Variants in PRSS36 observed in about 807,000 individuals in gnomAD.
The protein encoded by PRSS36 is polyserase-2.
PRSS36 carries 90 observed loss-of-function variants against 94.3 expected under a neutral mutation model. The ratio of observed to expected loss-of-function variants is 0.95; its 90% CI spans 0.80 to 1.14. The LOEUF (loss-of-function observed/expected upper bound fraction) is 1.14, where lower values mean the gene tolerates loss of function less well. PRSS36 is among the 50% of genes most tolerant of loss of function. The pLI is 0.00. For missense variants in PRSS36, 1,158 were observed against 1,135.0 expected (o/e 1.02, Z -0.29); for synonymous variants, 500 against 489.6 (o/e 1.02, Z -0.28).
At position 31,139,088 on chromosome 16, in the gene PRSS36, C is replaced by A; in HGVS notation, c.*50G>T. On this transcript the variant is annotated 3_prime_UTR_variant, in exon 15 of 15. Coordinates refer to ENST00000268281, the MANE Select transcript of PRSS36 (RefSeq NM_173502.5). ...TGGGCCACATTCCAGCCCCACTGGGCGGGAAGTAGAGGGTGGAGAAGGGGG... is the reference window on the plus strand; with the variant it reads ...TGGGCCACATTCCAGCCCCACTGGGAGGGAAGTAGAGGGTGGAGAAGGGGG... 6.7e-7 allele frequency: 1 copy of A among 1,501,980 alleles called. No individual in the cohort carries two copies. The highest frequency in any genetic ancestry group is 8.9e-7 in the Non-Finnish European group (1 of 1,123,510). The allele number at this position is 1,501,980 out of a possible 1,614,324, so 93.0% of individuals were successfully genotyped here.
chr16:31,142,481 C>T lies in PRSS36; in HGVS notation c.1521G>A (p.Trp507Ter). ...CGCGGGCCCCGCCCCCGCCGCTTAC[C>T]CAGCAGCTGCCCACCTCCTCCTTTT... ...YQEKEEVGSC[W>*]NDSRWSLLCQ... Residue 507 changes from tryptophan (W) to a stop codon, truncating the protein, a stop_gained and splice_region_variant, in exon 10 of 15, where the codon TGG becomes TGA. Coordinates refer to ENST00000268281, the MANE Select transcript of PRSS36 (RefSeq NM_173502.5). LOFTEE classifies it high-confidence loss of function. The T allele has an allele frequency of 1.4e-6, 2 of 1,463,014 alleles. No homozygotes were observed. The highest frequency in any genetic ancestry group is 1.8e-6 in the Non-Finnish European group (2 of 1,109,046). The allele number at this position is 1,463,014 out of a possible 1,614,324, so 90.6% of individuals were successfully genotyped here.
At chr16:31,142,358 A>T (rs2057710986) in intron 10 of PRSS36, 123 bp downstream of exon 10, 1 of 1,080,580 alleles carries the variant, frequency 9.3e-7, no homozygotes, top group African/African-American at 1.7e-5. Flanking sequence ...GCCCACTCGG[A>T]CCCGCCTTCC....
Position 31,145,955 on chromosome 16 carries a change from T to A in PRSS36, c.554A>T (p.Asp185Val), listed in dbSNP as rs1379671558. Residue 185 changes from aspartate (D) to valine (V), a missense_variant and splice_region_variant, in exon 6 of 15, where the codon GAT becomes GTT. Transcript: ENST00000268281. ...ATGWGDVQEADPLPLPWVLQE... is the reference protein window; with the variant it reads ...ATGWGDVQEAVPLPLPWVLQE... ...TAGCACCCAGGGGAGAGGCAGAGGA[T>A]CTGGAGGCAGAACCAGAGAGCAGGT... 6.2e-7 allele frequency: 1 copy of A among 1,610,246 alleles called. No individual in the cohort carries two copies.
chr16:31,148,384 G>T lies in PRSS36; in HGVS notation c.553+11C>A, dbSNP rs763218867. 1.3e-6 allele frequency: 2 copies of T among 1,552,800 alleles called. No individual in the cohort carries two copies. Among genetic ancestry groups the T allele is most frequent in the Admixed American group, 3.7e-5 (2 of 53,430 alleles). On this transcript the variant is annotated intron_variant, in intron 5 of 14. Coordinates refer to ENST00000268281, the MANE Select transcript of PRSS36 (RefSeq NM_173502.5). The stretch of plus-strand genomic sequence containing the variant: ...CCCCGAGGCCCTCCCCTCTTGTCCC[G>T]TCCCACTCACCTGCCTCCTGGACGT...
rs1349020830 is a variant in PRSS36, at chr16:31,148,731, C to T, written c.273-56G>A. On this transcript the variant is annotated intron_variant, in intron 4 of 14. Coordinates refer to ENST00000268281, the MANE Select transcript of PRSS36 (RefSeq NM_173502.5). The stretch of plus-strand genomic sequence containing the variant: ...GTTGACCCTATGGAGGGGGCAGACC[C>T]TCGTTGGGGGCAGGGGCTCAGAGCC... 6 of 1,596,770 alleles carry T rather than the reference C, an allele frequency of 3.8e-6. No individual in the cohort carries two copies. In the Admixed American group the frequency reaches 6.9e-5, roughly 18 times the overall value.
Position 31,139,386 on chromosome 16 carries a change from T to C in PRSS36, c.2320A>G (p.Met774Val). ...MTSAPPLLCQMTEGSWILVGM... is the reference protein window; with the variant it reads ...MTSAPPLLCQVTEGSWILVGM... ...ACGAGGATCCAGGACCCTTCCGTCA[T>C]CTGGCACAGGAGGGGCGGTGCTGAG... is the stretch of plus-strand genomic sequence containing the variant. Residue 774 changes from methionine to valine, a missense_variant, in exon 15 of 15, where the codon ATG becomes GTG. Transcript: ENST00000268281. 1 of 1,614,054 alleles carries C rather than the reference T, an allele frequency of 6.2e-7. No homozygotes were observed. Among genetic ancestry groups the C allele is most frequent in the Non-Finnish European group, 8.5e-7 (1 of 1,179,990 alleles).
intron 11 of PRSS36, 23 bp from the exon 12 acceptor site, chr16:31,141,633 T>A (rs1424834926): frequency 6.2e-7 from 1 of 1,611,656 alleles, no homozygotes; most frequent in Non-Finnish European, 8.5e-7. Flanking sequence ...GGTGGCCACC[T>A]CAGTTGGGGC....
Position 31,142,461 on chromosome 16 carries a change from G to C in PRSS36, c.1521+20C>G. On this transcript the variant is annotated intron_variant, in intron 10 of 14. Transcript: ENST00000268281. ...GCCCTCTCGGGCCCGCGTTCCGCGG[G>C]CCCCGCCCCCGCCGCTTACCCAGCA... 1 of 1,435,442 alleles carries C rather than the reference G, an allele frequency of 7.0e-7. No individual in the cohort carries two copies. The highest frequency in any genetic ancestry group is 9.1e-7 in the Non-Finnish European group (1 of 1,096,126). 88.9% of individuals were successfully genotyped at this position (1,435,442 alleles called of 1,614,324 possible).
chr16:31,139,308 C>T lies in PRSS36; in HGVS notation c.2398G>A (p.Glu800Lys). ...RELFAAIGPEEAWISQTVGEA... is the reference protein window; with the variant it reads ...RELFAAIGPEKAWISQTVGEA... ...CCCACTGTCTGGGAGATCCAGGCCT[C>T]TTCAGGACCAATGGCAGCAAACAGC... Residue 800 changes from glutamate to lysine, a missense_variant, in exon 15 of 15, where the codon GAG becomes AAG. Glu to Lys is a moderately conservative substitution (Grantham distance 56, BLOSUM62 1). Coordinates refer to ENST00000268281, the MANE Select transcript of PRSS36 (RefSeq NM_173502.5). The T allele has an allele frequency of 6.2e-7, 1 of 1,614,206 alleles. No individual in the cohort carries two copies. Among genetic ancestry groups the T allele is most frequent in the Non-Finnish European group, 8.5e-7 (1 of 1,180,030 alleles).
Position 31,138,985 on chromosome 16 carries a change from A to G in PRSS36, c.*153T>C. On this transcript the variant is annotated 3_prime_UTR_variant, in exon 15 of 15. Coordinates refer to ENST00000268281, the MANE Select transcript of PRSS36 (RefSeq NM_173502.5). ...CACCCCCAAGGATTCCTGGGTTCAAAATAGCCCGGGCACTGAGGCCCAATT... is the reference window on the plus strand; with the variant it reads ...CACCCCCAAGGATTCCTGGGTTCAAGATAGCCCGGGCACTGAGGCCCAATT... 2 of 832,010 alleles carry G rather than the reference A, an allele frequency of 2.4e-6. No individual in the cohort carries two copies. The highest frequency in any genetic ancestry group is 3.7e-6 in the Non-Finnish European group (2 of 545,830). The allele number at this position is 832,010 out of a possible 1,614,324, so 51.5% of individuals were successfully genotyped here. A position where few individuals can be genotyped will look rare whatever the true frequency, so the allele number is the denominator to read the frequency against.
intron 2 of PRSS36, 82 bp downstream of exon 2, chr16:31,149,614 A>T: frequency 6.2e-7 from 1 of 1,608,792 alleles, no homozygotes. Context: ...CTGTCCGTTC[A>T]GCAACCCCTG....
chr16:31,148,262 G>A (rs2057826478), intron 5 of PRSS36, 133 bp downstream of exon 5: 8 of 992,856 alleles, frequency 8.1e-6, no homozygotes, highest in African/African-American at 1.7e-5. Flanking sequence ...CCACCGACCC[G>A]CAGAAACCTA....
chr16:31,149,903 T>G lies in PRSS36; in HGVS notation c.37+96A>C. 9 of 1,554,532 alleles carry G rather than the reference T, an allele frequency of 5.8e-6. No individual in the cohort carries two copies. In the South Asian group the frequency reaches 1.0e-4, roughly 18 times the overall value. On this transcript the variant is annotated intron_variant, in intron 1 of 14. Transcript: ENST00000268281. ...CTGCCTCACTTCCTTCTCTCTGACT[T>G]CCTGCTCCCCACACAGAAACCAGGA...
intron 4 of PRSS36, among the ~76,000 whole-genome samples, 165 bp downstream of exon 4, chr16:31,148,908 C>T (rs564102761): frequency 6.6e-6 from 1 of 152,138 alleles, no homozygotes; most frequent in East Asian, 1.9e-4. Context: ...GTCCGGCAGC[C>T]TTGCCCCACT....
At chr16:31,146,005 C>A in intron 5 of PRSS36, 50 bp from the exon 6 acceptor site, 1 of 1,546,056 alleles carries the variant, frequency 6.5e-7, no homozygotes, top group Non-Finnish European at 8.7e-7. Flanking sequence ...ATGGCATCCC[C>A]AGTTCCCAGG....
At chr16:31,141,358 C>A in intron 12 of PRSS36, 111 bp downstream of exon 12, 1 of 1,371,778 alleles carries the variant, frequency 7.3e-7, no homozygotes, top group Non-Finnish European at 9.8e-7. Flanking sequence ...ACAGCAAGAT[C>A]TCATTGTTAA....
rs149146316 is a variant in PRSS36 at position 31,143,599 on chromosome 16, A to G, written c.959T>C (p.Ile320Thr). The G allele has an allele frequency of 1.4e-4, 218 of 1,614,134 alleles. No individual in the cohort carries two copies. In the African/African-American group the frequency reaches 2.6e-3, roughly 19 times the overall value. The change falls in exon 7 of 15, where the codon ATT (isoleucine) becomes ACT (threonine). Residue 320 changes from isoleucine (I) to threonine (T), a missense_variant. Physicochemically the swap from Ile to Thr is moderately conservative, Grantham distance 89. Coordinates refer to ENST00000268281, the MANE Select transcript of PRSS36 (RefSeq NM_173502.5). The part of the protein sequence containing the change: ...PQEPREENCT[I>T]ALPECGKAPR... ...TGCCGCCCACTCACCAGGCAGGGCAATGGTGCAGTTCTCCTCCCTGGGCTC... is the reference window on the plus strand; with the variant it reads ...TGCCGCCCACTCACCAGGCAGGGCAGTGGTGCAGTTCTCCTCCCTGGGCTC...
intron 12 of PRSS36, 103 bp from the exon 13 acceptor site, chr16:31,140,860 CCTT>C (rs2057675649): frequency 8.9e-6 from 11 of 1,230,876 alleles, no homozygotes; most frequent in Non-Finnish European, 1.3e-5. Context: ...GCCACTCACT[CCTT>C]CATCATCCCT....
At chr16:31,142,019 C>T in intron 10 of PRSS36, 59 bp from the exon 11 acceptor site, 1 of 1,479,150 alleles carries the variant, frequency 6.8e-7, no homozygotes, top group Non-Finnish European at 9.4e-7. Flanking sequence ...AATATCAGAG[C>T]TCCTGGGGCT....
Sources: allele counts gnomAD v4.1 joint callset (sites outside exome capture counted in the v4.1 genomes callset), GRCh38; gene constraint gnomAD v4.1.1; transcripts MANE v1.5; gene names NCBI Gene and HGNC (gene_info 2026-07-23, HGNC 2026-07-21).